EVC: variants seen among roughly 807,000 people sequenced by gnomAD.
The protein encoded by EVC is EvC ciliary complex subunit 1, also known as evC complex member EVC.
In EVC, 116 loss-of-function variants were observed where a neutral mutation model predicts 118.9. That is an observed-to-expected ratio of 0.98 (90% CI 0.84 to 1.14). The LOEUF (loss-of-function observed/expected upper bound fraction) is 1.14, where lower values mean the gene tolerates loss of function less well. EVC is among the 50% of genes most tolerant of loss of function. The probability of loss-of-function intolerance (pLI) is 0.00; values close to 1 mark genes in which losing one functional copy is unlikely to be tolerated. For synonymous variants in EVC, 619 were observed against 534.7 expected (o/e 1.16, Z -2.18); for missense variants, 1,401 against 1,246.4 (o/e 1.12, Z -1.87).
chr4:5,724,967 AC>A (rs2151888256), intron 2 of EVC, among the ~76,000 whole-genome samples: 1 of 152,212 alleles, frequency 6.6e-6, no homozygotes, highest in East Asian at 1.9e-4. Flanking sequence ...ATAAGTGAGA[AC>A]ATGCGGTGTT....
intron 11 of EVC, among the ~76,000 whole-genome samples, chr4:5,770,385 C>A (rs1733757777): frequency 6.6e-6 from 1 of 152,142 alleles, no homozygotes; most frequent in African/African-American, 2.4e-5. Flanking sequence ...CCAGTCAGAC[C>A]AAACATTCCA....
Position 5,737,590 on chromosome 4 carries a change from TC to T in EVC, c.703-4124del, listed in dbSNP as rs1727896053. Among the ~76,000 whole-genome samples the T allele has an allele frequency of 6.6e-6, 1 of 152,178 alleles. No homozygotes were observed. The highest frequency in any genetic ancestry group is 1.5e-5 in the Non-Finnish European group (1 of 68,028). On this transcript the variant is annotated intron_variant, in intron 5 of 20. Coordinates refer to ENST00000264956, the MANE Select transcript of EVC (RefSeq NM_153717.3). This position sits in a 1 kb window ranked among gnomAD's most constrained non-coding sequence, Gnocchi z 5.0. ...GTTGAAGCCAGTGCTCATGCACCAC[TC>T]CGAAAGTCCTAGGGCCCTTAAGGGT...
downstream of EVC, among the ~76,000 whole-genome samples, chr4:5,815,018 C>T (rs1717455642): frequency 1.3e-5 from 2 of 152,150 alleles, no homozygotes; most frequent in Admixed American, 1.3e-4. Flanking sequence ...TAAACAATCC[C>T]ACTAAACCCA....
chr4:5,791,970 C>T (rs966123251), intron 12 of EVC, among the ~76,000 whole-genome samples: 7 of 152,194 alleles, frequency 4.6e-5, no homozygotes, highest in Non-Finnish European at 1.0e-4. Flanking sequence ...TCTGTTCAGC[C>T]TTAGGGGAGC....
chr4:5,770,964 A>C (rs1733853182), intron 11 of EVC, among the ~76,000 whole-genome samples: 1 of 151,938 alleles, frequency 6.6e-6, no homozygotes, highest in African/African-American at 2.4e-5. Flanking sequence ...GTGAGACGAG[A>C]TCGCACCATT....
At chr4:5,727,399 G>A (rs1315432879) in intron 2 of EVC, among the ~76,000 whole-genome samples, 3 of 151,828 alleles carry the variant, frequency 2.0e-5, no homozygotes, top group Admixed American at 6.6e-5. Context: ...CATGTCCTTC[G>A]CCCACTTTTT....
chr4:5,753,847 G>T lies in EVC; in HGVS notation c.1378G>T (p.Ala460Ser). The T allele has an allele frequency of 1.2e-6, 2 of 1,614,064 alleles. No homozygotes were observed. Among genetic ancestry groups the T allele is most frequent in the South Asian group, 2.2e-5 (2 of 91,070 alleles). ...TCTGGCTCACCAGGTGGAGGGAACGGCAAAACTCACGCTGGCCCAAGAGGA... is the reference window on the plus strand; with the variant it reads ...TCTGGCTCACCAGGTGGAGGGAACGTCAAAACTCACGCTGGCCCAAGAGGA... ...ASLAHQVEGT[A>S]KLTLAQEEEQ... Residue 460 changes from alanine (A) to serine (S), a missense_variant, in exon 10 of 21, where the codon GCA (alanine) becomes TCA (serine). By Grantham distance (99) the Ala-to-Ser change is moderately conservative. Coordinates refer to ENST00000264956, the MANE Select transcript of EVC (RefSeq NM_153717.3).
At chr4:5,804,692 A>C (rs1715574474) in intron 16 of EVC, 38 bp from the exon 17 acceptor site, 1 of 1,597,234 alleles carries the variant, frequency 6.3e-7, no homozygotes, top group Non-Finnish European at 8.6e-7. Flanking sequence ...TGGATCCTCC[A>C]AACAGACCCC....
At chr4:5,807,301 G>C (rs961817454) in intron 17 of EVC, among the ~76,000 whole-genome samples, 1 of 152,216 alleles carries the variant, frequency 6.6e-6, no homozygotes, top group Non-Finnish European at 1.5e-5. Context: ...ACAGCGTCTT[G>C]TAGGGTGCAC....
rs2152394546 is a variant in EVC, at chr4:5,810,406, C to T, written c.2850C>T (p.Asn950=). The T allele has an allele frequency of 6.2e-7, 1 of 1,613,728 alleles. No homozygotes were observed. Among genetic ancestry groups the T allele is most frequent in the Non-Finnish European group, 8.5e-7 (1 of 1,179,944 alleles). ...PQERGDLGVP[N]NEDLASGDQT... is the part of the protein sequence containing the mutation. The stretch of plus-strand genomic sequence containing the variant: ...AAAGAGGGGACCTGGGGGTGCCCAA[C>T]AATGAGGACCTTGCCTCCGGGGACC... Residue 950 remains asparagine (N), a synonymous_variant, in exon 20 of 21, where the codon AAC becomes AAT. Transcript: ENST00000264956.
intron 15 of EVC, among the ~76,000 whole-genome samples, chr4:5,801,553 G>T (rs1714973934): frequency 6.6e-6 from 1 of 151,824 alleles, no homozygotes; most frequent in African/African-American, 2.4e-5. Context: ...GGTGGTGCTT[G>T]CCTATAATCC....
Position 5,719,666 on chromosome 4 carries a change from A to T in EVC, c.300+293A>T, listed in dbSNP as rs932902084. The stretch of plus-strand genomic sequence containing the variant: ...ACTTCCCGCCCCCACACACTTCCAG[A>T]GGTGCCCATGCGTGGGATTTCCATT... On this transcript the variant is annotated intron_variant, in intron 2 of 20. Transcript: ENST00000264956. This position sits in a 1 kb window ranked among gnomAD's most constrained non-coding sequence, Gnocchi z 4.7. Among the ~76,000 whole-genome samples, 21 of 152,146 alleles carry T rather than the reference A, an allele frequency of 1.4e-4. No individual in the cohort carries two copies. Among genetic ancestry groups the T allele is most frequent in the Admixed American group, 9.2e-4 (14 of 15,262 alleles).
intron 2 of EVC, among the ~76,000 whole-genome samples, chr4:5,724,743 ATTT>A (rs1217065984): frequency 6.8e-6 from 1 of 146,618 alleles, no homozygotes; most frequent in Admixed American, 6.8e-5. Context: ...TTCAACTTTT[ATTT>A]TAAGTTCTGG....
At chr4:5,736,732 T>C (rs7681660) in intron 5 of EVC, among the ~76,000 whole-genome samples, 83,336 of 151,904 alleles carry the variant, frequency 0.55, 23,084 homozygotes, top group South Asian at 0.59. Context: ...CCACATGCTG[T>C]GCCAGTATGA....
intron 15 of EVC, among the ~76,000 whole-genome samples, chr4:5,799,379 G>A (rs62297681): frequency 6.6e-5 from 10 of 152,194 alleles, no homozygotes; most frequent in Admixed American, 4.6e-4. Context: ...TTCCTACCTC[G>A]TCTTGTTGGA....
intron 2 of EVC, among the ~76,000 whole-genome samples, chr4:5,729,040 C>CT (rs1230476893): frequency 6.6e-6 from 1 of 152,116 alleles, no homozygotes; most frequent in East Asian, 1.9e-4. Context: ...ATTCATCTGT[C>CT]TACCTATCCA....
chr4:5,827,672 A>G, the EVC span, among the ~76,000 whole-genome samples: 920 of 151,948 alleles, frequency 6.1e-3, 9 homozygotes, highest in African/African-American at 0.021. Flanking sequence ...GCACACATAC[A>G]CACGTGCATG....
At chr4:5,757,041 C>A (rs572610950) in intron 11 of EVC, among the ~76,000 whole-genome samples, 23 of 152,178 alleles carry the variant, frequency 1.5e-4, no homozygotes, top group East Asian at 1.2e-3. Flanking sequence ...CCTGGCTCCC[C>A]GCTTCCTCAC....
intron 11 of EVC, among the ~76,000 whole-genome samples, chr4:5,779,371 T>C (rs1431971588): frequency 6.6e-6 from 1 of 150,940 alleles, no homozygotes; most frequent in Non-Finnish European, 1.5e-5. Context: ...TTTCCAATTC[T>C]GTGAAGAAAG....
Sources: gnomAD v4.1 joint callset for allele counts (sites outside exome capture counted in the v4.1 genomes callset) on GRCh38, gnomAD v4.1.1 for gene constraint, Gnocchi (gnomAD v3.1) non-coding constraint, MANE v1.5 for transcripts, NCBI Gene and HGNC (gene_info 2026-07-23, HGNC 2026-07-21) for gene names.